Variants in SAMD3 observed in about 807,000 individuals in gnomAD.
SAMD3 encodes sterile alpha motif domain-containing protein 3.
Under a neutral mutation model 58.5 loss-of-function variants are expected in SAMD3, and 63 were observed. The observed-to-expected ratio is 1.08, with a 90% CI of 0.88 to 1.33. The LOEUF is 1.33. SAMD3 is among the 40% of genes most tolerant of loss of function. SAMD3 has a pLI of 0.00. For missense variants in SAMD3, 604 were observed against 608.4 expected (o/e 0.99, Z 0.08); for synonymous variants, 220 against 210.3 (o/e 1.05, Z -0.40).
chr6:130,361,882 A>G (rs1375288248), intron 1 of SAMD3, among the ~76,000 whole-genome samples: 1 of 152,250 alleles, frequency 6.6e-6, no homozygotes, highest in Non-Finnish European at 1.5e-5. Context: ...GCCGACCCAA[A>G]TGTTTTACAA....
At chr6:130,339,730 T>C (rs911885034) in intron 1 of SAMD3, among the ~76,000 whole-genome samples, 2 of 152,230 alleles carry the variant, frequency 1.3e-5, no homozygotes, top group African/African-American at 4.8e-5. Context: ...ATGCTCTTTC[T>C]CCTTTCTAAA....
intron 1 of SAMD3, among the ~76,000 whole-genome samples, chr6:130,359,674 G>A (rs1378258025): frequency 6.6e-6 from 1 of 152,110 alleles, no homozygotes; most frequent in Non-Finnish European, 1.5e-5. Flanking sequence ...TGCAGAAAAG[G>A]GCTCTCACTC....
At chr6:130,160,082 A>G (rs1160939094) in intron 8 of SAMD3, 1 of 152,206 alleles carries the variant, frequency 6.6e-6, no homozygotes, top group Non-Finnish European at 1.5e-5. Context: ...ACAGAGTTGA[A>G]TATCTGCACA....
At chr6:130,351,090 G>T (rs906445691) in intron 1 of SAMD3, among the ~76,000 whole-genome samples, 9 of 152,116 alleles carry the variant, frequency 5.9e-5, no homozygotes, top group African/African-American at 2.2e-4. Flanking sequence ...ATGGATTAAA[G>T]ACTTACAGGT....
intron 2 of SAMD3, among the ~76,000 whole-genome samples, chr6:130,287,943 C>CA (rs3029967): frequency 0.039 from 4,126 of 106,896 alleles, 84 homozygotes; most frequent in African/African-American, 0.053. Context: ...GACTCCGTCT[C>CA]AAAAAAAAAA....
At chr6:130,360,074 T>G (rs770629123) in intron 1 of SAMD3, among the ~76,000 whole-genome samples, 1 of 152,202 alleles carries the variant, frequency 6.6e-6, no homozygotes, top group African/African-American at 2.4e-5. Flanking sequence ...AGAATAAATG[T>G]AATGTCTAAG....
intron 1 of SAMD3, among the ~76,000 whole-genome samples, chr6:130,329,915 G>T (rs1279238264): frequency 1.3e-5 from 2 of 151,662 alleles, no homozygotes; most frequent in Admixed American, 6.6e-5. Context: ...GGGCCTGTTG[G>T]GGGGTGGGGG....
At chr6:130,182,660 AAAG>A (rs1310905223) in intron 7 of SAMD3, among the ~76,000 whole-genome samples, 1 of 151,788 alleles carries the variant, frequency 6.6e-6, no homozygotes, top group Non-Finnish European at 1.5e-5. Flanking sequence ...GGAAGGAAGG[AAAG>A]AAGGATGGAA....
intron 5 of SAMD3, among the ~76,000 whole-genome samples, chr6:130,209,105 G>T (rs996243349): frequency 4.6e-5 from 7 of 152,222 alleles, no homozygotes; most frequent in African/African-American, 1.7e-4. Flanking sequence ...TATCGGGAGA[G>T]TCAAGTTAAA....
intron 2 of SAMD3, among the ~76,000 whole-genome samples, chr6:130,273,683 C>T (rs1774661654): frequency 6.6e-6 from 1 of 151,094 alleles, no homozygotes; most frequent in African/African-American, 2.4e-5. Flanking sequence ...TGTGTGGTTA[C>T]CATAAGGCAT....
At chr6:130,358,934 G>A (rs772879845) in intron 1 of SAMD3, among the ~76,000 whole-genome samples, 13 of 152,170 alleles carry the variant, frequency 8.5e-5, no homozygotes, top group Non-Finnish European at 1.5e-4. Context: ...GATGGGCACA[G>A]AGGTGATTTC....
At chr6:130,161,957 C>T (rs137925920) in intron 8 of SAMD3, 54 of 275,348 alleles carry the variant, frequency 2.0e-4, no homozygotes, top group African/African-American at 1.0e-3. Context: ...GAGGGCCGTG[C>T]TCAAGGAGGA....
At position 130,214,354 on chromosome 6, in the gene SAMD3, T is replaced by C. The variant is rs1795843749; in HGVS notation, c.252A>G (p.Gln84=). The C allele has an allele frequency of 1.3e-6, 2 of 1,596,864 alleles. No individual in the cohort carries two copies. Among genetic ancestry groups the C allele is most frequent in the Non-Finnish European group, 1.7e-6 (2 of 1,174,114 alleles). Residue 84 remains glutamine, a synonymous_variant, in exon 4 of 12, where the codon CAA becomes CAG. Coordinates refer to ENST00000439090, the MANE Select transcript of SAMD3 (RefSeq NM_001017373.4). ...ATACTCACTCTCGAGCTGCTTCTGTTTGCATGACCAGGGCTGCCTTTTTGG... is the reference window on the plus strand; with the variant it reads ...ATACTCACTCTCGAGCTGCTTCTGTCTGCATGACCAGGGCTGCCTTTTTGG... The part of the protein sequence containing the change: ...ENPKKAALVM[Q]TEAARDYRDE...
intron 5 of SAMD3, among the ~76,000 whole-genome samples, chr6:130,191,715 A>G (rs1357105167): frequency 3.3e-5 from 5 of 149,568 alleles, no homozygotes; most frequent in African/African-American, 1.2e-4. Flanking sequence ...GAATTTTTTC[A>G]TTCTCTTTTT....
intron 2 of SAMD3, among the ~76,000 whole-genome samples, chr6:130,271,973 G>A (rs1323528485): frequency 2.6e-5 from 4 of 152,020 alleles, no homozygotes; most frequent in Non-Finnish European, 4.4e-5. Context: ...TGACATGTGG[G>A]GATTATTACA....
chr6:130,174,671 T>C (rs1791559513), intron 8 of SAMD3, among the ~76,000 whole-genome samples: 1 of 152,218 alleles, frequency 6.6e-6, no homozygotes, highest in Admixed American at 6.5e-5. Flanking sequence ...CAAATAAATA[T>C]GATTCTATCT....
upstream of SAMD3, among the ~76,000 whole-genome samples, chr6:130,225,834 T>C (rs1212881072): frequency 6.6e-6 from 1 of 152,220 alleles, no homozygotes; most frequent in Non-Finnish European, 1.5e-5. Context: ...TCCTTGGCAT[T>C]TGGAAGCTTG....
intron 4 of SAMD3, among the ~76,000 whole-genome samples, chr6:130,210,460 A>G (rs111770758): frequency 0.037 from 5,700 of 152,130 alleles, 158 homozygotes; most frequent in Middle Eastern, 0.058. Context: ...TTAGCTGGAC[A>G]TGGTGGCAGG....
At chr6:130,273,583 C>T (rs1462228535) in intron 2 of SAMD3, among the ~76,000 whole-genome samples, 9 of 149,518 alleles carry the variant, frequency 6.0e-5, no homozygotes, top group Non-Finnish European at 4.4e-5. Flanking sequence ...CCTCTTGATG[C>T]TTTTCTTGGC....
Sources: allele counts gnomAD v4.1 joint callset (sites outside exome capture counted in the v4.1 genomes callset), GRCh38; gene constraint gnomAD v4.1.1; transcripts MANE v1.5; gene names NCBI Gene and HGNC (gene_info 2026-07-23, HGNC 2026-07-21).